Variants in GALNT13 observed in about 807,000 individuals in gnomAD.
GALNT13 encodes the protein polypeptide N-acetylgalactosaminyltransferase 13.
In GALNT13, 28 loss-of-function variants were observed where a neutral mutation model predicts 64.2. The ratio of observed to expected loss-of-function variants is 0.44; its 90% CI spans 0.32 to 0.60. GALNT13 has a LOEUF of 0.60. Among genes scored for constraint, GALNT13 ranks in the 20% least tolerant of loss-of-function variants. The pLI is 0.05. For missense variants in GALNT13, 577 were observed against 669.8 expected, an observed-to-expected ratio of 0.86 and a Z score of 1.53; for synonymous variants, 214 against 224.6, an observed-to-expected ratio of 0.95 and a Z score of 0.42.
chr2:153,302,336 C>G, the GALNT13 span, among the ~76,000 whole-genome samples: 1 of 151,982 alleles, frequency 6.6e-6, no homozygotes, highest in Non-Finnish European at 1.5e-5. Flanking sequence ...TACTTGTTAA[C>G]TATTTGTATG....
At chr2:154,290,990 G>C (rs1033764284) in intron 8 of GALNT13, among the ~76,000 whole-genome samples, 2 of 151,988 alleles carry the variant, frequency 1.3e-5, no homozygotes, top group South Asian at 2.1e-4. Context: ...AGACCTTCTC[G>C]GTGAGCGTTA....
At chr2:153,181,313 G>T in the GALNT13 span, among the ~76,000 whole-genome samples, 1 of 149,990 alleles carries the variant, frequency 6.7e-6, no homozygotes. Flanking sequence ...TGAATTTTTT[G>T]ACGTTTTACT....
At chr2:153,974,723 C>T (rs978338098) in intron 3 of GALNT13, among the ~76,000 whole-genome samples, 1 of 151,988 alleles carries the variant, frequency 6.6e-6, no homozygotes, top group African/African-American at 2.4e-5. Context: ...AGATATTCTT[C>T]CTGCCTTGAT....
rs151284792 is a variant in GALNT13, at chr2:154,407,500, C to T, written c.1297-1484C>T. On this transcript the variant is annotated intron_variant, in intron 10 of 12. Transcript: ENST00000392825. ...TGTTACCTTCCTTAATCCTCTCCAG[C>T]TGCAGGTCCTGAAAGGTCTTTTGCC... is the stretch of plus-strand genomic sequence containing the variant. Among the ~76,000 whole-genome samples the T allele has an allele frequency of 2.0e-5, 3 of 152,274 alleles. No homozygotes were observed. The East Asian group carries it at 5.8e-4, about 29-fold the overall frequency.
chr2:154,041,474 C>A (rs1285697117), intron 3 of GALNT13, among the ~76,000 whole-genome samples: 2 of 139,580 alleles, frequency 1.4e-5, no homozygotes, highest in African/African-American at 4.9e-5. Flanking sequence ...TTTTTCTGGA[C>A]AGATATTAAG....
the GALNT13 span, among the ~76,000 whole-genome samples, chr2:153,634,828 C>T: frequency 1.3e-4 from 20 of 151,908 alleles, no homozygotes; most frequent in Non-Finnish European, 2.8e-4. Context: ...GAACTACAGG[C>T]GTGAGCCACC....
At chr2:154,198,978 C>T (rs1474472068) in intron 4 of GALNT13, among the ~76,000 whole-genome samples, 1 of 151,936 alleles carries the variant, frequency 6.6e-6, no homozygotes, top group Admixed American at 6.6e-5. Flanking sequence ...GTGGTTAATG[C>T]TGACTTTTCC....
chr2:153,426,300 A>G, the GALNT13 span, among the ~76,000 whole-genome samples: 1 of 151,796 alleles, frequency 6.6e-6, no homozygotes, highest in Non-Finnish European at 1.5e-5. Context: ...TATCTAAAGA[A>G]CAAGACCATA....
At chr2:153,669,836 C>T in the GALNT13 span, among the ~76,000 whole-genome samples, 1 of 152,146 alleles carries the variant, frequency 6.6e-6, no homozygotes, top group East Asian at 1.9e-4. Flanking sequence ...ACTTTTCCCA[C>T]AGTCTTTGCA....
chr2:153,941,951 A>G (rs1261255731), intron 2 of GALNT13, among the ~76,000 whole-genome samples: 1 of 152,194 alleles, frequency 6.6e-6, no homozygotes, highest in African/African-American at 2.4e-5. Context: ...GATAATTTGA[A>G]TACTGCTTGA....
chr2:154,373,968 A>C (rs552648370), intron 9 of GALNT13, among the ~76,000 whole-genome samples: 44 of 152,276 alleles, frequency 2.9e-4, no homozygotes, highest in East Asian at 5.8e-4. Context: ...GTTGTGTTCA[A>C]AATTTGCTAC....
chr2:153,116,619 T>G, the GALNT13 span, among the ~76,000 whole-genome samples: 9 of 152,118 alleles, frequency 5.9e-5, no homozygotes, highest in African/African-American at 1.9e-4. Flanking sequence ...AATCTAGCTT[T>G]AAGTGATTAG....
the GALNT13 span, among the ~76,000 whole-genome samples, chr2:153,084,465 G>A: frequency 6.6e-6 from 1 of 152,030 alleles, no homozygotes; most frequent in African/African-American, 2.4e-5. Context: ...CTTTGGTTAG[G>A]TATAGTCCTG....
intron 2 of GALNT13, among the ~76,000 whole-genome samples, chr2:153,937,606 G>A (rs928614378): frequency 6.6e-6 from 1 of 152,274 alleles, no homozygotes; most frequent in Admixed American, 6.5e-5. Flanking sequence ...CTTTAAATGA[G>A]TGAATTATCA....
At chr2:154,001,249 C>G (rs1319096248) in intron 3 of GALNT13, among the ~76,000 whole-genome samples, 3 of 151,838 alleles carry the variant, frequency 2.0e-5, no homozygotes, top group Non-Finnish European at 2.9e-5. Context: ...TATAGTCACT[C>G]TGTCTTTTAA....
In GALNT13 at chr2:154,012,251, A is replaced by G. The variant is rs1351970138; in HGVS notation, c.142+67612A>G. Among the ~76,000 whole-genome samples the G allele has an allele frequency of 2.6e-5, 4 of 152,306 alleles. No individual in the cohort carries two copies. The East Asian group carries it at 5.8e-4, about 22-fold the overall frequency. On this transcript the variant is annotated intron_variant, in intron 3 of 12. Coordinates refer to ENST00000392825, the MANE Select transcript of GALNT13 (RefSeq NM_052917.4). Reference sequence around the variant, plus strand: ...AGGACTTTCTTAAAGACCTCATGTAAGGCAGGTCTAGTGCTACTGAATTCT... The same window carrying G: ...AGGACTTTCTTAAAGACCTCATGTAGGGCAGGTCTAGTGCTACTGAATTCT...
chr2:154,103,358 C>T (rs1115269), intron 3 of GALNT13, among the ~76,000 whole-genome samples: 114,750 of 152,086 alleles, frequency 0.75, 43,663 homozygotes, highest in East Asian at 0.96. Context: ...TTTTAAAAAA[C>T]ATATCTGTCT....
the GALNT13 span, among the ~76,000 whole-genome samples, chr2:153,549,093 G>T: frequency 3.4e-3 from 517 of 152,270 alleles, 4 homozygotes; most frequent in African/African-American, 0.012. Flanking sequence ...ATTAGCGGTT[G>T]CCAGGGGTTA....
the GALNT13 span, among the ~76,000 whole-genome samples, chr2:153,316,115 AAAG>A: frequency 1.3e-5 from 2 of 152,078 alleles, no homozygotes; most frequent in African/African-American, 4.8e-5. Flanking sequence ...GACTGAAAAA[AAAG>A]AAAAAGAAGA....
Sources: allele counts gnomAD v4.1 joint callset (sites outside exome capture counted in the v4.1 genomes callset), GRCh38; gene constraint gnomAD v4.1.1; transcripts MANE v1.5; gene names NCBI Gene and HGNC (gene_info 2026-07-23, HGNC 2026-07-21).